The following FAM171A1 variants were observed in gnomAD, a reference collection of about 807,000 sequenced individuals.
The protein encoded by FAM171A1 is family with sequence similarity 171 member A1, also known as protein FAM171A1.
In FAM171A1, 23 loss-of-function variants were observed where a neutral mutation model predicts 74.9. The observed-to-expected ratio is 0.31, with a 90% CI of 0.22 to 0.44. The LOEUF is 0.44. Ranked by LOEUF, FAM171A1 falls within the 20% of genes least tolerant of loss-of-function variation. FAM171A1 has a pLI of 1.00. For synonymous variants in FAM171A1, 527 were observed against 505.7 expected (o/e 1.04, Z -0.57); for missense variants, 1,162 against 1,159.2 (o/e 1.00, Z -0.03).
chr10:15,327,998 C>T (rs752905247), intron 1 of FAM171A1, among the ~76,000 whole-genome samples: 1 of 150,586 alleles, frequency 6.6e-6, no homozygotes. Flanking sequence ...ACTCTCAGTC[C>T]GAAAACTTGC....
At chr10:15,253,255 C>T (rs1038321551) in intron 4 of FAM171A1, among the ~76,000 whole-genome samples, 35 of 152,172 alleles carry the variant, frequency 2.3e-4, no homozygotes, top group Admixed American at 1.8e-3. Flanking sequence ...CCACCCACCT[C>T]GGCCTCCCAA....
intron 1 of FAM171A1, among the ~76,000 whole-genome samples, chr10:15,334,815 A>G (rs1835681785): frequency 2.0e-5 from 3 of 152,254 alleles, no homozygotes; most frequent in Non-Finnish European, 4.4e-5. Flanking sequence ...CACTGGAGAC[A>G]GTAGCTGAAT....
At chr10:15,314,739 G>A (rs973801288) in intron 1 of FAM171A1, among the ~76,000 whole-genome samples, 11 of 152,340 alleles carry the variant, frequency 7.2e-5, no homozygotes, top group Non-Finnish European at 1.0e-4. Flanking sequence ...CTCCAAAGAC[G>A]CCAACCACGA....
rs1190547313 is a variant in FAM171A1, at chr10:15,213,096, A to C, written c.2492T>G (p.Leu831Arg). 14 of 1,613,598 alleles carry C rather than the reference A, an allele frequency of 8.7e-6. No individual in the cohort carries two copies. The highest frequency in any genetic ancestry group is 1.2e-5 in the Non-Finnish European group (14 of 1,179,788). The change falls in exon 8 of 8, where the codon CTG becomes CGG. Residue 831 changes from leucine to arginine, a missense_variant. By Grantham distance (102) the Leu-to-Arg change is moderately radical (BLOSUM62 -2). Coordinates refer to ENST00000378116, the MANE Select transcript of FAM171A1 (RefSeq NM_001010924.2). This position sits in a 1 kb window ranked among gnomAD's most constrained non-coding sequence, Gnocchi z 6.8. The stretch of plus-strand genomic sequence containing the variant: ...AGTCCGTCTGGTCGTCTCCTCCTGC[A>C]GGCTGGGCAGCTGGCCACCACTTCT... The part of the protein sequence containing the change: ...SRRSGGQLPS[L>R]QEETTRRTAD...
intron 1 of FAM171A1, among the ~76,000 whole-genome samples, chr10:15,328,791 C>A (rs1043194181): frequency 3.7e-4 from 56 of 152,294 alleles, no homozygotes; most frequent in African/African-American, 1.3e-3. Flanking sequence ...AAGTTTTAGG[C>A]CCCACCAAAT....
chr10:15,354,437 A>G (rs1835911264), intron 1 of FAM171A1, among the ~76,000 whole-genome samples: 1 of 151,898 alleles, frequency 6.6e-6, no homozygotes, highest in Non-Finnish European at 1.5e-5. Context: ...CAGAGGTTGC[A>G]GCGCACCGAG....
chr10:15,237,644 G>A (rs1235514854), intron 5 of FAM171A1: 7 of 152,168 alleles, frequency 4.6e-5, no homozygotes, highest in East Asian at 1.9e-4. Context: ...ACAACTGACC[G>A]CCTGGCTGCC....
Position 15,239,314 on chromosome 10 carries a change from A to T in FAM171A1, c.754+9325T>A, listed in dbSNP as rs1000855617. Among the ~76,000 whole-genome samples, 14 of 150,528 alleles carry T rather than the reference A, an allele frequency of 9.3e-5. No homozygotes were observed. The South Asian group carries it at 1.1e-3, about 11-fold the overall frequency. ...TATTTATTTATTTATTTTTATTTTT[A>T]TTTTTTTTTGAGACAGTCTCACTCT... is the stretch of plus-strand genomic sequence containing the variant. On this transcript the variant is annotated intron_variant, in intron 5 of 7. Coordinates refer to ENST00000378116, the MANE Select transcript of FAM171A1 (RefSeq NM_001010924.2).
chr10:15,355,457 C>T (rs138320122), intron 1 of FAM171A1, among the ~76,000 whole-genome samples: 3,128 of 152,256 alleles, frequency 0.021, 108 homozygotes, highest in African/African-American at 0.072. Context: ...GTGGTTCACG[C>T]CTGTAATCCC....
chr10:15,251,425 C>G (rs866404441), intron 4 of FAM171A1, among the ~76,000 whole-genome samples: 131 of 141,408 alleles, frequency 9.3e-4, no homozygotes, highest in Middle Eastern at 3.8e-3. Flanking sequence ...TTTTTTTAGA[C>G]AGAGTCTTGC....
intron 1 of FAM171A1, among the ~76,000 whole-genome samples, chr10:15,331,508 C>G (rs943756142): frequency 1.3e-5 from 2 of 152,120 alleles, no homozygotes; most frequent in African/African-American, 2.4e-5. Context: ...TTTCTGAGAC[C>G]TTATACAAGG....
intron 3 of FAM171A1, among the ~76,000 whole-genome samples, chr10:15,275,533 A>G (rs1025804055): frequency 2.0e-5 from 3 of 151,928 alleles, no homozygotes; most frequent in African/African-American, 7.3e-5. Context: ...CTGACCTCAA[A>G]TGATCAACCC....
chr10:15,335,920 A>G (rs190033018), intron 1 of FAM171A1, among the ~76,000 whole-genome samples: 1 of 152,330 alleles, frequency 6.6e-6, no homozygotes, highest in African/African-American at 2.4e-5. Flanking sequence ...TCTTCTACCT[A>G]GAGTCAAGTT....
At chr10:15,325,160 TTTCCAGCTG>T (rs377192832) in intron 1 of FAM171A1, among the ~76,000 whole-genome samples, 2 of 152,356 alleles carry the variant, frequency 1.3e-5, no homozygotes, top group African/African-American at 2.4e-5. Context: ...CACTCTACAA[TTTCCAGCTG>T]TTCCAGCTGT....
intron 5 of FAM171A1, among the ~76,000 whole-genome samples, chr10:15,229,810 C>T (rs1398213129): frequency 0.069 from 322 of 4,674 alleles, 13 homozygotes; most frequent in Middle Eastern, 0.14. Flanking sequence ...ATCACCATCA[C>T]CACCACCATC....
chr10:15,352,046 C>T (rs1191226465), intron 1 of FAM171A1, among the ~76,000 whole-genome samples: 1 of 92,480 alleles, frequency 1.1e-5, no homozygotes, highest in African/African-American at 3.7e-5. Flanking sequence ...ATACAAAATA[C>T]AAAAAAAATA....
intron 5 of FAM171A1, among the ~76,000 whole-genome samples, chr10:15,233,523 T>TGTGA (rs1367496345): frequency 2.6e-5 from 3 of 113,308 alleles, no homozygotes; most frequent in Non-Finnish European, 5.9e-5. Flanking sequence ...GTATTCAGGG[T>TGTGA]GTGTGTGTGT....
At chr10:15,333,360 C>T (rs1314552326) in intron 1 of FAM171A1, among the ~76,000 whole-genome samples, 4 of 152,198 alleles carry the variant, frequency 2.6e-5, no homozygotes, top group African/African-American at 4.8e-5. Context: ...ATTAGCTGGG[C>T]GTGGTGGCGT....
In FAM171A1 at chr10:15,213,424, G is replaced by A; in HGVS notation, c.2164C>T (p.His722Tyr). The A allele has an allele frequency of 6.2e-7, 1 of 1,614,188 alleles. No individual in the cohort carries two copies. Among genetic ancestry groups the A allele is most frequent in the East Asian group, 2.2e-5 (1 of 44,886 alleles). Residue 722 changes from histidine (H) to tyrosine (Y), a missense_variant, in exon 8 of 8, where the codon CAT becomes TAT. Coordinates refer to ENST00000378116, the MANE Select transcript of FAM171A1 (RefSeq NM_001010924.2). The surrounding 1 kb of genome is among the most constrained non-coding windows in gnomAD (Gnocchi z 6.8). ...LDGRSNAHVRHSYIDLQRAGR... is the reference protein window; with the variant it reads ...LDGRSNAHVRYSYIDLQRAGR... ...GCTCTTTGGAGATCAATGTATGAAT[G>A]TCTAACGTGAGCGTTGGACCTGCCA...
Sources: gnomAD v4.1 joint callset for allele counts (sites outside exome capture counted in the v4.1 genomes callset) on GRCh38, gnomAD v4.1.1 for gene constraint, Gnocchi (gnomAD v3.1) non-coding constraint, MANE v1.5 for transcripts, NCBI Gene and HGNC (gene_info 2026-07-23, HGNC 2026-07-21) for gene names.